The following DOCK4 variants were observed in gnomAD, a reference collection of about 807,000 sequenced individuals.
DOCK4 encodes the protein dedicator of cytokinesis protein 4.
Under a neutral mutation model 268.1 loss-of-function variants are expected in DOCK4, and 97 were observed. The ratio of observed to expected loss-of-function variants is 0.36; its 90% CI spans 0.31 to 0.43. DOCK4 has a LOEUF of 0.43. DOCK4 is among the 20% of genes least tolerant of loss of function. The probability of loss-of-function intolerance (pLI) is 1.00; values close to 1 mark genes in which losing one functional copy is unlikely to be tolerated. For synonymous variants in DOCK4, 954 were observed against 887.2 expected, an observed-to-expected ratio of 1.08 and a Z score of -1.34; for missense variants, 2,145 against 2,455.7, an observed-to-expected ratio of 0.87 and a Z score of 2.67.
chr7:111,790,670 T>C (rs1292621716), intron 30 of DOCK4, 65 bp from the exon 31 acceptor site: 4 of 1,449,582 alleles, frequency 2.8e-6, no homozygotes, highest in Non-Finnish European at 3.7e-6. Context: ...GAAATTAATA[T>C]CATAAAATTT....
chr7:111,775,680 G>C (rs956933802), intron 36 of DOCK4, among the ~76,000 whole-genome samples: 1 of 152,220 alleles, frequency 6.6e-6, no homozygotes, highest in Admixed American at 6.5e-5. Context: ...GATCCCCTGT[G>C]GGGTGAAGCG....
At chr7:111,905,724 GTA>G (rs1791514895) in intron 13 of DOCK4, among the ~76,000 whole-genome samples, 1 of 148,658 alleles carries the variant, frequency 6.7e-6, no homozygotes, top group African/African-American at 2.5e-5. Flanking sequence ...CGTGTATTGC[GTA>G]TACACACACA....
At chr7:111,943,586 C>A (rs1795371404) in intron 10 of DOCK4, among the ~76,000 whole-genome samples, 2 of 152,212 alleles carry the variant, frequency 1.3e-5, no homozygotes, top group Non-Finnish European at 2.9e-5. Flanking sequence ...CTCTGCCATC[C>A]TGAGAACAGA....
chr7:111,955,784 T>C (rs545105171), intron 8 of DOCK4, among the ~76,000 whole-genome samples: 11 of 152,326 alleles, frequency 7.2e-5, no homozygotes, highest in African/African-American at 2.2e-4. Flanking sequence ...GATTAAGCAA[T>C]TGGTGAATTA....
At chr7:111,806,279 A>T (rs143082241) in intron 30 of DOCK4, among the ~76,000 whole-genome samples, 159 of 152,336 alleles carry the variant, frequency 1.0e-3, no homozygotes, top group Non-Finnish European at 2.0e-3. Context: ...CTTAAGGCCT[A>T]TAAGGGGTAT....
intron 1 of DOCK4, among the ~76,000 whole-genome samples, chr7:112,040,146 A>G (rs1364685243): frequency 6.6e-6 from 1 of 152,144 alleles, no homozygotes; most frequent in Non-Finnish European, 1.5e-5. Flanking sequence ...TTAAACAACA[A>G]AAAGCAATTG....
chr7:112,104,756 T>C (rs983586436), intron 1 of DOCK4, among the ~76,000 whole-genome samples: 1 of 152,172 alleles, frequency 6.6e-6, no homozygotes, highest in African/African-American at 2.4e-5. Flanking sequence ...ATGTTTATAA[T>C]CTGGGTGGGG....
chr7:111,750,593 C>A (rs1207620392), intron 42 of DOCK4, among the ~76,000 whole-genome samples: 1 of 152,170 alleles, frequency 6.6e-6, no homozygotes, highest in Non-Finnish European at 1.5e-5. Flanking sequence ...GAAGAAGGAC[C>A]TAGCAGACGA....
chr7:112,204,882 A>AACACAC (rs34706974), intron 1 of DOCK4, among the ~76,000 whole-genome samples: 1,741 of 150,004 alleles, frequency 0.012, 22 homozygotes, highest in Middle Eastern at 0.027. Context: ...TCAATTTTAA[A>AACACAC]ACACACACAC....
rs140902506 is a variant in DOCK4 at position 111,759,635 on chromosome 7, A to C, written c.4162+546T>G. Among the ~76,000 whole-genome samples, 117 of 152,228 alleles carry C rather than the reference A, an allele frequency of 7.7e-4. 1 individual carries two copies. The highest frequency in any genetic ancestry group is 2.6e-3 in the African/African-American group (106 of 41,546). On this transcript the variant is annotated intron_variant, in intron 40 of 52. Coordinates refer to ENST00000428084, the MANE Select transcript of DOCK4 (RefSeq NM_001363540.2). ...CTGCCTTTGTCTCTAACACCTATAT[A>C]ATTTCAGCTCAGTTGTTTGTGTTTA...
At chr7:112,102,507 G>A (rs977542863) in intron 1 of DOCK4, among the ~76,000 whole-genome samples, 7 of 152,088 alleles carry the variant, frequency 4.6e-5, no homozygotes, top group Non-Finnish European at 4.4e-5. Flanking sequence ...TTATGAGGTG[G>A]GGCCTTTGGG....
intron 8 of DOCK4, among the ~76,000 whole-genome samples, chr7:111,947,352 A>C (rs1237677309): frequency 6.6e-6 from 1 of 152,212 alleles, no homozygotes; most frequent in Non-Finnish European, 1.5e-5. Context: ...AGATACGTTT[A>C]ACAGAATCAA....
chr7:111,801,687 CT>C (rs796439376), intron 30 of DOCK4: 5,645 of 130,318 alleles, frequency 0.043, 113 homozygotes, highest in African/African-American at 0.15. Context: ...TTCTTTTTTC[CT>C]TTTTTTTTTT....
At position 111,741,534 on chromosome 7, in the gene DOCK4, A is replaced by C. The variant is rs752598274; in HGVS notation, c.4919+6T>G. On this transcript the variant is annotated splice_donor_region_variant and intron_variant, in intron 46 of 52. Transcript: ENST00000428084. ...AAATTGTAAGATAATTTGGAATATG[A>C]CTTACCTGCGTCTAGGAATTACCCT... 4.9e-5 allele frequency: 79 copies of C among 1,612,100 alleles called. No homozygotes were observed. Among genetic ancestry groups the C allele is most frequent in the Non-Finnish European group, 6.3e-5 (74 of 1,179,230 alleles).
At chr7:112,012,916 C>A (rs1801473092) in intron 1 of DOCK4, among the ~76,000 whole-genome samples, 1 of 151,852 alleles carries the variant, frequency 6.6e-6, no homozygotes, top group Non-Finnish European at 1.5e-5. Context: ...GTGGGACATG[C>A]AAATATCACT....
chr7:111,895,863 A>G (rs1442460126), intron 15 of DOCK4, 145 bp from the exon 16 acceptor site: 4 of 688,314 alleles, frequency 5.8e-6, no homozygotes, highest in South Asian at 1.9e-5. Flanking sequence ...TAGGCCATCT[A>G]TATAGAGCAG....
At chr7:111,907,951 C>T (rs1791732568) in intron 13 of DOCK4, among the ~76,000 whole-genome samples, 1 of 152,188 alleles carries the variant, frequency 6.6e-6, no homozygotes, top group East Asian at 1.9e-4. Context: ...TGGTCTTGAA[C>T]AACTGAGGTC....
At chr7:111,891,935 G>C (rs1019724447) in intron 16 of DOCK4, among the ~76,000 whole-genome samples, 2 of 151,800 alleles carry the variant, frequency 1.3e-5, no homozygotes, top group Non-Finnish European at 2.9e-5. Context: ...TGGTCAGTCA[G>C]GAATAGCAAC....
At chr7:112,169,574 A>C (rs1408757813) in intron 1 of DOCK4, among the ~76,000 whole-genome samples, 1 of 152,194 alleles carries the variant, frequency 6.6e-6, no homozygotes, top group Non-Finnish European at 1.5e-5. Flanking sequence ...ATTTCTGAGA[A>C]ACATCATGCC....
Sources: gnomAD v4.1 joint callset for allele counts (sites outside exome capture counted in the v4.1 genomes callset) on GRCh38, gnomAD v4.1.1 for gene constraint, MANE v1.5 for transcripts, NCBI Gene and HGNC (gene_info 2026-07-23, HGNC 2026-07-21) for gene names.